Variants in CPNE5 observed in about 807,000 individuals in gnomAD.
CPNE5 encodes the protein copine-5.
CPNE5 carries 42 observed loss-of-function variants against 81.1 expected under a neutral mutation model. That is an observed-to-expected ratio of 0.52 (90% CI 0.40 to 0.67). The LOEUF (loss-of-function observed/expected upper bound fraction) is 0.67, where lower values mean the gene tolerates loss of function less well. Among genes scored for constraint, CPNE5 ranks in the 30% least tolerant of loss-of-function variants. The pLI is 0.00. For missense variants in CPNE5, 612 were observed against 815.5 expected, an observed-to-expected ratio of 0.75 and a Z score of 3.04; for synonymous variants, 313 against 321.5, an observed-to-expected ratio of 0.97 and a Z score of 0.28.
chr6:36,745,273 G>C lies in CPNE5; in HGVS notation c.1328+115C>G, dbSNP rs1448312706. On this transcript the variant is annotated intron_variant, in intron 17 of 20. Transcript: ENST00000244751. Reference sequence around the variant, plus strand: ...TTGGGGGAATCTCTTCAGGGTCAGGGCTCCCTGAAAGGCAAGTGCGTGGGA... The same window carrying C: ...TTGGGGGAATCTCTTCAGGGTCAGGCCTCCCTGAAAGGCAAGTGCGTGGGA... 4 of 1,428,124 alleles carry C rather than the reference G, an allele frequency of 2.8e-6. No individual in the cohort carries two copies. The South Asian group carries it at 3.8e-5, about 13-fold the overall frequency. The allele number at this position is 1,428,124 out of a possible 1,614,324, so 88.5% of individuals were successfully genotyped here.
chr6:36,748,858 ACT>A (rs2150368001), intron 14 of CPNE5, among the ~76,000 whole-genome samples: 1 of 152,130 alleles, frequency 6.6e-6, no homozygotes, highest in African/African-American at 2.4e-5. Context: ...TCTTTGGGAA[ACT>A]CTGTAGAAGC....
chr6:36,800,480 G>A (rs759584726), intron 3 of CPNE5, among the ~76,000 whole-genome samples: 2 of 152,064 alleles, frequency 1.3e-5, no homozygotes, highest in Non-Finnish European at 2.9e-5. Context: ...CACCGAACTT[G>A]CGCCCACTCC....
intron 10 of CPNE5, among the ~76,000 whole-genome samples, chr6:36,773,591 T>C (rs1767233161): frequency 6.6e-6 from 1 of 152,114 alleles, no homozygotes; most frequent in South Asian, 2.1e-4. Context: ...CTGAATTTGG[T>C]ATTTTAGGCA....
At chr6:36,838,551 C>T (rs556792232) in intron 1 of CPNE5, 10 of 156,954 alleles carry the variant, frequency 6.4e-5, no homozygotes, top group Non-Finnish European at 1.2e-4. Context: ...AAGATTTGGG[C>T]GTGGTAGCCC....
intron 6 of CPNE5, among the ~76,000 whole-genome samples, chr6:36,795,322 G>A (rs35744485): frequency 0.041 from 6,298 of 152,190 alleles, 237 homozygotes; most frequent in East Asian, 0.15. Flanking sequence ...GGGACTACAG[G>A]CACGCACCAC....
chr6:36,819,532 T>G (rs941539184), intron 3 of CPNE5, among the ~76,000 whole-genome samples: 25 of 152,224 alleles, frequency 1.6e-4, no homozygotes, highest in African/African-American at 6.0e-4. Context: ...AGGGAGACAG[T>G]TCCGGCCAGT....
At chr6:36,783,469 A>G (rs912738479) in intron 8 of CPNE5, among the ~76,000 whole-genome samples, 1 of 151,328 alleles carries the variant, frequency 6.6e-6, no homozygotes, top group African/African-American at 2.4e-5. Context: ...AATCCTTTCG[A>G]CAACCCTATG....
At chr6:36,765,684 C>G (rs1380701682) in intron 10 of CPNE5, among the ~76,000 whole-genome samples, 1 of 152,242 alleles carries the variant, frequency 6.6e-6, no homozygotes, top group Non-Finnish European at 1.5e-5. Context: ...GGGGCATAAG[C>G]TCAGCATGGA....
chr6:36,792,529 G>C (rs942046379), intron 7 of CPNE5: 2 of 578,310 alleles, frequency 3.5e-6, no homozygotes, highest in Non-Finnish European at 5.9e-6. Flanking sequence ...CCAGCTCTGA[G>C]CCACTCTGAT....
intron 16 of CPNE5, 84 bp from the exon 17 acceptor site, chr6:36,745,599 G>A (rs1300267402): frequency 4.1e-6 from 6 of 1,457,842 alleles, no homozygotes; most frequent in Admixed American, 2.1e-5. Context: ...CAGGTGGGGA[G>A]GCCAGCAGGC....
At chr6:36,797,275 T>A (rs1314739724) in intron 6 of CPNE5, among the ~76,000 whole-genome samples, 5 of 152,248 alleles carry the variant, frequency 3.3e-5, no homozygotes, top group Non-Finnish European at 7.3e-5. Context: ...TCTGATGATC[T>A]CCCTTTCCCG....
intron 3 of CPNE5, among the ~76,000 whole-genome samples, chr6:36,813,259 G>A (rs1227870628): frequency 6.6e-6 from 1 of 152,192 alleles, no homozygotes; most frequent in Non-Finnish European, 1.5e-5. Flanking sequence ...GGCCAGGTGT[G>A]GTGGCCCACG....
intron 10 of CPNE5, among the ~76,000 whole-genome samples, chr6:36,767,399 C>A (rs906918198): frequency 6.6e-6 from 1 of 152,152 alleles, no homozygotes; most frequent in Non-Finnish European, 1.5e-5. Flanking sequence ...GAAAATTGAG[C>A]CCTAAGAGCC....
chr6:36,822,756 G>C (rs956614253), intron 2 of CPNE5, among the ~76,000 whole-genome samples: 1 of 152,158 alleles, frequency 6.6e-6, no homozygotes, highest in Non-Finnish European at 1.5e-5. Flanking sequence ...CATCCCACCA[G>C]GTCACAGCCA....
At chr6:36,836,438 T>C (rs535769037) in intron 1 of CPNE5, among the ~76,000 whole-genome samples, 1 of 152,276 alleles carries the variant, frequency 6.6e-6, no homozygotes, top group South Asian at 2.1e-4. Context: ...CAAGTGTTCC[T>C]GGGAGCCAGA....
chr6:36,791,829 C>T (rs942325254), intron 8 of CPNE5, among the ~76,000 whole-genome samples: 3 of 152,106 alleles, frequency 2.0e-5, no homozygotes, highest in Non-Finnish European at 2.9e-5. Flanking sequence ...TGGGTGAGCT[C>T]CTTCTCCTCT....
At chr6:36,747,253 C>CCG (rs201558333) in intron 15 of CPNE5, among the ~76,000 whole-genome samples, 12,476 of 117,088 alleles carry the variant, frequency 0.11, 628 homozygotes, top group Non-Finnish European at 0.15. Flanking sequence ...GGCTTGATTT[C>CCG]CCCCCCCAGA....
intron 9 of CPNE5, among the ~76,000 whole-genome samples, chr6:36,777,526 G>A (rs1456461030): frequency 1.3e-5 from 2 of 152,054 alleles, no homozygotes; most frequent in African/African-American, 2.4e-5. Flanking sequence ...CTGTGTGGAC[G>A]CCCGGAACAA....
chr6:36,763,518 G>A (rs548221292), intron 11 of CPNE5, among the ~76,000 whole-genome samples: 9 of 150,848 alleles, frequency 6.0e-5, no homozygotes, highest in Non-Finnish European at 1.2e-4. Flanking sequence ...CAGGAGAATC[G>A]CTTGAACCCA....
Sources: gnomAD v4.1 joint callset for allele counts (sites outside exome capture counted in the v4.1 genomes callset) on GRCh38, gnomAD v4.1.1 for gene constraint, MANE v1.5 for transcripts, NCBI Gene and HGNC (gene_info 2026-07-23, HGNC 2026-07-21) for gene names.